ZNF563: variants seen among roughly 807,000 people sequenced by gnomAD.
ZNF563 encodes the protein zinc finger protein 563.
Under a neutral mutation model 48.5 loss-of-function variants are expected in ZNF563, and 39 were observed. That is an observed-to-expected ratio of 0.80 (90% CI 0.62 to 1.05). The LOEUF is 1.05. Ranked by LOEUF, ZNF563 falls within the 50% of genes least tolerant of loss-of-function variation. The pLI is 0.00. For missense variants in ZNF563, 538 were observed against 597.0 expected (o/e 0.90, Z 1.03); for synonymous variants, 168 against 187.9 (o/e 0.89, Z 0.87).
chr19:12,337,170 AT>A (rs1166053820), upstream of ZNF563, among the ~76,000 whole-genome samples: 1 of 152,122 alleles, frequency 6.6e-6, no homozygotes, highest in African/African-American at 2.4e-5. Flanking sequence ...TGTGAATAAT[AT>A]TAATGTCACC....
At chr19:12,329,287 C>T (rs566041565) in intron 1 of ZNF563, among the ~76,000 whole-genome samples, 1 of 152,082 alleles carries the variant, frequency 6.6e-6, no homozygotes, top group Non-Finnish European at 1.5e-5. Context: ...GCTTGGCCAA[C>T]ATGGTGAAAC....
chr19:12,319,112 C>T lies in ZNF563; in HGVS notation c.913G>A (p.Ala305Thr), dbSNP rs548654681. The change falls in exon 4 of 4, where the codon GCA becomes ACA. Residue 305 changes from alanine (A) to threonine (T), a missense_variant. Coordinates refer to ENST00000293725, the MANE Select transcript of ZNF563 (RefSeq NM_145276.3). ...SLRRHETTHS[A>T]EKPYECKQCG... is the part of the protein sequence containing the mutation. ...TGCTTACACTCATAGGGTTTCTCTG[C>T]ACTGTGAGTGGTTTCATGTCTTCGA... The T allele has an allele frequency of 2.5e-6, 4 of 1,614,142 alleles. No homozygotes were observed. The African/African-American group carries it at 5.3e-5, about 22-fold the overall frequency.
intron 1 of ZNF563, among the ~76,000 whole-genome samples, chr19:12,332,347 CT>C (rs567439951): frequency 0.027 from 3,614 of 135,030 alleles, 47 homozygotes; most frequent in African/African-American, 0.057. Flanking sequence ...TTTCTTTTTT[CT>C]TTTTTTTTTT....
Position 12,333,557 on chromosome 19 carries a change from C to CTG in ZNF563, c.-77_-76dup. The CTG allele has an allele frequency of 6.3e-7, 1 of 1,596,510 alleles. No individual in the cohort carries two copies. Among genetic ancestry groups the CTG allele is most frequent in the Middle Eastern group, 1.7e-4 (1 of 5,978 alleles). On this transcript the variant is annotated 5_prime_UTR_variant, in exon 1 of 4. Transcript: ENST00000293725. ...AGTGCGGGTCCCACTGTGACAGAGG[C>CTG]TGCCACAGACGTTCCAGGGCGTCTC...
chr19:12,338,729 G>C, the ZNF563 span, among the ~76,000 whole-genome samples: 8 of 152,220 alleles, frequency 5.3e-5, no homozygotes, highest in Middle Eastern at 3.4e-3. Context: ...GCACATGCCT[G>C]TAATCCCAGC....
intron 1 of ZNF563, among the ~76,000 whole-genome samples, chr19:12,324,720 G>GAAAAAAA (rs61639995): frequency 7.0e-5 from 4 of 56,800 alleles, no homozygotes; most frequent in Admixed American, 2.1e-4. Flanking sequence ...TCCGTCTCAA[G>GAAAAAAA]AAAAAAAAAA....
chr19:12,333,967 G>C (rs73921443), upstream of ZNF563, among the ~76,000 whole-genome samples: 1,933 of 152,354 alleles, frequency 0.013, 28 homozygotes, highest in Middle Eastern at 0.044. Context: ...TCCTGGAGAA[G>C]GAGTCACAAG....
chr19:12,334,687 G>T (rs1209631323), upstream of ZNF563, among the ~76,000 whole-genome samples: 1 of 152,008 alleles, frequency 6.6e-6, no homozygotes, highest in African/African-American at 2.4e-5. Flanking sequence ...TGGCCAACAT[G>T]GTGAAACCAC....
At chr19:12,326,797 A>G (rs1441543432) in intron 1 of ZNF563, among the ~76,000 whole-genome samples, 1 of 152,216 alleles carries the variant, frequency 6.6e-6, no homozygotes, top group East Asian at 1.9e-4. Context: ...AAGAGAAATG[A>G]CACAAGTTAG....
intron 1 of ZNF563, among the ~76,000 whole-genome samples, chr19:12,330,267 G>C (rs1019784757): frequency 1.3e-5 from 2 of 152,022 alleles, no homozygotes; most frequent in African/African-American, 4.8e-5. Flanking sequence ...CATTGCCCTA[G>C]TACCAAAAAT....
chr19:12,327,060 G>A (rs563812969), intron 1 of ZNF563, among the ~76,000 whole-genome samples: 1 of 152,112 alleles, frequency 6.6e-6, no homozygotes, highest in East Asian at 1.9e-4. Flanking sequence ...AGTTGTGAAT[G>A]GTATAATATG....
chr19:12,320,312 G>T (rs1968579087), intron 3 of ZNF563, among the ~76,000 whole-genome samples: 1 of 151,366 alleles, frequency 6.6e-6, no homozygotes, highest in Non-Finnish European at 1.5e-5. Context: ...CCCAACACCA[G>T]CTGGGTTTTT....
At position 12,318,425 on chromosome 19, in the gene ZNF563, C is replaced by T; in HGVS notation, c.*169G>A. ...AAAAATCGATCACTTTCCCACATTC[C>T]TTATATCATACAGCATCTCTCCAGT... On this transcript the variant is annotated 3_prime_UTR_variant, in exon 4 of 4. Transcript: ENST00000293725. 6.3e-6 allele frequency: 5 copies of T among 790,854 alleles called. 1 individual carries two copies. Among genetic ancestry groups the T allele is most frequent in the South Asian group, 2.0e-5 (1 of 50,304 alleles). 49.0% of individuals were successfully genotyped at this position (790,854 alleles called of 1,614,324 possible).
chr19:12,319,937 G>A, intron 3 of ZNF563, 104 bp from the exon 4 acceptor site: 2 of 1,085,024 alleles, frequency 1.8e-6, no homozygotes, highest in South Asian at 1.6e-5. Context: ...TTTTCCCTGA[G>A]ATGGAGTCTT....
intron 1 of ZNF563, among the ~76,000 whole-genome samples, chr19:12,332,629 T>C (rs1032608513): frequency 6.6e-6 from 1 of 152,146 alleles, no homozygotes; most frequent in African/African-American, 2.4e-5. Context: ...CTTGCCCAGA[T>C]AACGCACTTA....
At chr19:12,323,526 A>T (rs1229053361) in intron 1 of ZNF563, among the ~76,000 whole-genome samples, 1 of 152,236 alleles carries the variant, frequency 6.6e-6, no homozygotes, top group African/African-American at 2.4e-5. Context: ...TTGCCATGTA[A>T]TGCTTTATGC....
At chr19:12,333,300 C>T (rs999458018) in intron 1 of ZNF563, among the ~76,000 whole-genome samples, 180 bp downstream of exon 1, 3 of 152,180 alleles carry the variant, frequency 2.0e-5, no homozygotes, top group South Asian at 4.1e-4. Flanking sequence ...CCCGGGGTCC[C>T]GGCTGCCAGC....
chr19:12,338,292 G>C (rs971125193), upstream of ZNF563, among the ~76,000 whole-genome samples: 2 of 152,092 alleles, frequency 1.3e-5, no homozygotes, highest in Admixed American at 1.3e-4. Flanking sequence ...CTGACGCCCA[G>C]GCTGGAGTGC....
rs1308465219 is a variant in ZNF563 at position 12,319,000 on chromosome 19, C to T, written c.1025G>A (p.Cys342Tyr). 5 of 1,614,070 alleles carry T rather than the reference C, an allele frequency of 3.1e-6. No individual in the cohort carries two copies. Among genetic ancestry groups the T allele is most frequent in the Admixed American group, 1.7e-5 (1 of 59,986 alleles). Residue 342 changes from cysteine to tyrosine, a missense_variant, in exon 4 of 4, where the codon TGT becomes TAT. Cys to Tyr is a radical substitution (Grantham distance 194, BLOSUM62 -2). Coordinates refer to ENST00000293725, the MANE Select transcript of ZNF563 (RefSeq NM_145276.3). ...ACTGGGACGATCAAAGCCTTTCCCA[C>T]ATATCTTACATTTATGAGGTCGATC... ...TGDRPHKCKICGKGFDRPSLV... is the reference protein window; with the variant it reads ...TGDRPHKCKIYGKGFDRPSLV...
Sources: allele counts gnomAD v4.1 joint callset (sites outside exome capture counted in the v4.1 genomes callset), GRCh38; gene constraint gnomAD v4.1.1; transcripts MANE v1.5; gene names NCBI Gene and HGNC (gene_info 2026-07-23, HGNC 2026-07-21).